Variants in PTH2R observed in about 807,000 individuals in gnomAD.
PTH2R encodes PTH2 receptor.
PTH2R carries 59 observed loss-of-function variants against 60.3 expected under a neutral mutation model. The observed-to-expected ratio is 0.98, with a 90% CI of 0.79 to 1.22. The LOEUF (loss-of-function observed/expected upper bound fraction) is 1.22. PTH2R is among the 50% of genes most tolerant of loss of function. The probability of loss-of-function intolerance (pLI) is 0.00; values close to 1 mark genes in which losing one functional copy is unlikely to be tolerated. For missense variants in PTH2R, 749 were observed against 682.6 expected, an observed-to-expected ratio of 1.10 and a Z score of -1.08; for synonymous variants, 256 against 243.8, an observed-to-expected ratio of 1.05 and a Z score of -0.47.
rs574897204 is a variant in PTH2R at position 208,474,664 on chromosome 2, G to T, written c.982-6406G>T. Among the ~76,000 whole-genome samples the T allele has an allele frequency of 2.6e-5, 4 of 152,340 alleles. No homozygotes were observed. In the East Asian group the frequency reaches 7.7e-4, roughly 29 times the overall value. ...GAGTTTGATGGGAGTGGACTCACAT[G>T]TCATGCTAAAGCACATTGGAATTTT... On this transcript the variant is annotated intron_variant, in intron 9 of 12. Coordinates refer to ENST00000272847, the MANE Select transcript of PTH2R (RefSeq NM_005048.4).
At chr2:208,387,922 T>C (rs954596784) in intron 1 of PTH2R, among the ~76,000 whole-genome samples, 1 of 152,202 alleles carries the variant, frequency 6.6e-6, no homozygotes, top group African/African-American at 2.4e-5. Flanking sequence ...GGGCCCCCTC[T>C]CAGTGCTAGT....
intron 9 of PTH2R, among the ~76,000 whole-genome samples, chr2:208,477,943 G>GTACTAC (rs1243907677): frequency 3.4e-3 from 112 of 32,702 alleles, no homozygotes; most frequent in African/African-American, 6.6e-3. Context: ...ACTACTACTA[G>GTACTAC]TAGTACTAGC....
chr2:208,388,922 C>G (rs1261122698), intron 1 of PTH2R, among the ~76,000 whole-genome samples: 1 of 152,136 alleles, frequency 6.6e-6, no homozygotes, highest in Non-Finnish European at 1.5e-5. Context: ...TCAGTAAGCA[C>G]TTATGGATGT....
At chr2:208,415,982 T>C (rs994484855) in intron 1 of PTH2R, among the ~76,000 whole-genome samples, 9 of 152,162 alleles carry the variant, frequency 5.9e-5, no homozygotes, top group African/African-American at 2.2e-4. Flanking sequence ...TTGAGGATGT[T>C]GTAGCAACAT....
chr2:208,442,307 T>G, intron 4 of PTH2R, 57 bp from the exon 5 acceptor site: 1 of 1,236,066 alleles, frequency 8.1e-7, no homozygotes, highest in African/African-American at 1.5e-5. Flanking sequence ...ACTATTTCTT[T>G]GCCAGTTTAT....
intron 1 of PTH2R, among the ~76,000 whole-genome samples, chr2:208,377,786 C>T (rs1282063659): frequency 6.6e-6 from 1 of 150,382 alleles, no homozygotes; most frequent in Non-Finnish European, 1.5e-5. Context: ...GGCGGCGGGG[C>T]AGAGGCGCTT....
At chr2:208,364,639 G>A (rs1314839605) in intron 1 of PTH2R, among the ~76,000 whole-genome samples, 1 of 151,842 alleles carries the variant, frequency 6.6e-6, no homozygotes, top group Non-Finnish European at 1.5e-5. Flanking sequence ...TTTCAAAATT[G>A]TTTGACTCTT....
chr2:208,394,944 A>G (rs928901002), intron 1 of PTH2R, among the ~76,000 whole-genome samples: 1 of 152,184 alleles, frequency 6.6e-6, no homozygotes, highest in Non-Finnish European at 1.5e-5. Context: ...TGCTGATGGG[A>G]CAATAACGAG....
At chr2:208,405,239 T>C (rs1009690544), upstream of PTH2R, among the ~76,000 whole-genome samples, 8 of 152,134 alleles carry the variant, frequency 5.3e-5, no homozygotes, top group Admixed American at 3.3e-4. Context: ...TTTGAAACAG[T>C]AAAATTATGA....
chr2:208,436,288 AG>A (rs34775941), intron 2 of PTH2R, among the ~76,000 whole-genome samples: 82,385 of 151,940 alleles, frequency 0.54, 24,749 homozygotes, highest in East Asian at 0.88. Context: ...GAAGGAGGTA[AG>A]GGAATAAGTC....
At chr2:208,367,981 G>T (rs762479913) in intron 1 of PTH2R, among the ~76,000 whole-genome samples, 2 of 150,712 alleles carry the variant, frequency 1.3e-5, no homozygotes. Context: ...TCAAAAACTC[G>T]TCCCAAAATG....
At position 208,459,921 on chromosome 2, in the gene PTH2R, T is replaced by C. The variant is rs1298275936; in HGVS notation, c.941T>C (p.Ile314Thr). 3 of 1,613,256 alleles carry C rather than the reference T, an allele frequency of 1.9e-6. No individual in the cohort carries two copies. ...TGCTGGGAACTTAGTGCTGGAGACA[T>C]CAAGTGGATTTATCAAGCACCGATC... ...ARCWELSAGDIKWIYQAPILA... is the reference protein window; with the variant it reads ...ARCWELSAGDTKWIYQAPILA... The change falls in exon 9 of 13, where the codon ATC (isoleucine) becomes ACC (threonine). Residue 314 changes from isoleucine to threonine, a missense_variant. Physicochemically the swap from Ile to Thr is moderately conservative, Grantham distance 89. Transcript: ENST00000272847.
intron 1 of PTH2R, among the ~76,000 whole-genome samples, chr2:208,412,795 T>C (rs1701566241): frequency 6.6e-6 from 1 of 152,182 alleles, no homozygotes; most frequent in Non-Finnish European, 1.5e-5. Context: ...TTAAAGAGTG[T>C]TTTTACTATA....
chr2:208,403,770 C>T (rs1392523922), upstream of PTH2R, among the ~76,000 whole-genome samples: 1 of 152,152 alleles, frequency 6.6e-6, no homozygotes, highest in Non-Finnish European at 1.5e-5. Flanking sequence ...TCCAACATGG[C>T]TCATTCATAG....
At chr2:208,475,169 G>T (rs534299327) in intron 9 of PTH2R, among the ~76,000 whole-genome samples, 107 of 152,250 alleles carry the variant, frequency 7.0e-4, no homozygotes, top group Admixed American at 2.2e-3. Flanking sequence ...ATTCATCTTA[G>T]CTGAATTAAA....
chr2:208,371,025 CAT>C (rs1700691853), intron 1 of PTH2R, among the ~76,000 whole-genome samples: 1 of 151,960 alleles, frequency 6.6e-6, no homozygotes, highest in South Asian at 2.1e-4. Flanking sequence ...AACCAGCTCT[CAT>C]GTGAAATACC....
intron 1 of PTH2R, among the ~76,000 whole-genome samples, chr2:208,418,740 C>CT (rs373496136): frequency 5.9e-5 from 9 of 152,084 alleles, no homozygotes; most frequent in East Asian, 1.9e-4. Flanking sequence ...TATTTTCCCT[C>CT]TTTTTTTGCA....
rs537029112 is a variant in PTH2R at position 208,395,108 on chromosome 2, C to T, written c.-258-33093C>T. On this transcript the variant is annotated intron_variant, in intron 1 of 12. Transcript: ENST00000617735. ...TGTTGCCCAGGCTGGAGTGCAGTGG[C>T]GCGATCTCAGCTCACTGCAAGCTCC... 1.7e-3 allele frequency among the ~76,000 whole-genome samples: 264 copies of T among 151,602 alleles called. 2 individuals carry two copies. Among genetic ancestry groups the T allele is most frequent in the Non-Finnish European group, 3.3e-3 (227 of 67,928 alleles).
intron 9 of PTH2R, among the ~76,000 whole-genome samples, chr2:208,461,013 T>C (rs1163584766): frequency 1.3e-5 from 2 of 152,078 alleles, no homozygotes; most frequent in Non-Finnish European, 2.9e-5. Context: ...ATTTACCTCA[T>C]AGGAAAAATG....
Sources: allele counts gnomAD v4.1 joint callset (sites outside exome capture counted in the v4.1 genomes callset), GRCh38; gene constraint gnomAD v4.1.1; transcripts MANE v1.5; gene names NCBI Gene and HGNC (gene_info 2026-07-23, HGNC 2026-07-21).